The following PCDHA9 variants were observed in gnomAD, a reference collection of about 807,000 sequenced individuals.
The protein encoded by PCDHA9 is protocadherin alpha-9.
Under a neutral mutation model 62.0 loss-of-function variants are expected in PCDHA9, and 62 were observed. The ratio of observed to expected loss-of-function variants is 1.00; its 90% CI spans 0.81 to 1.23. PCDHA9 has a LOEUF of 1.23. Among genes scored for constraint, PCDHA9 ranks in the 50% most tolerant of loss-of-function variants. PCDHA9 has a pLI of 0.00. For synonymous variants in PCDHA9, 557 were observed against 567.6 expected (o/e 0.98, Z 0.27); for missense variants, 1,205 against 1,249.8 (o/e 0.96, Z 0.54).
chr5:140,928,790 G>GGGT, intron 1 of PCDHA9: 2 of 1,614,176 alleles, frequency 1.2e-6, no homozygotes, highest in Non-Finnish European at 1.7e-6. Context: ...GTTAAGCAGA[G>GGGT]GGTGGTGGTA....
chr5:140,871,179 G>C (rs374404426), intron 1 of PCDHA9: 44 of 1,613,428 alleles, frequency 2.7e-5, no homozygotes, highest in Non-Finnish European at 3.5e-5. Context: ...AGGCTGCGCT[G>C]GTGGATGTCA....
intron 1 of PCDHA9, chr5:140,858,116 G>T: frequency 1.3e-6 from 2 of 1,597,882 alleles, no homozygotes; most frequent in Non-Finnish European, 1.7e-6. Context: ...GCCCGAGGTG[G>T]CCCTGGTGGA....
At chr5:140,944,089 A>G (rs2093608705) in intron 1 of PCDHA9, among the ~76,000 whole-genome samples, 2 of 152,250 alleles carry the variant, frequency 1.3e-5, no homozygotes, top group Non-Finnish European at 1.5e-5. Context: ...AGGCCTGAGT[A>G]AGTTTATATC....
chr5:140,928,081 C>G lies in PCDHA9; in HGVS notation c.2395-50868C>G, dbSNP rs782268064. On this transcript the variant is annotated intron_variant, in intron 1 of 3. Coordinates refer to ENST00000532602, the MANE Select transcript of PCDHA9 (RefSeq NM_031857.2). ...GGCTTCCTTTGACAACTACTACAGC[C>G]TGCTGATTGATGGGCCCCTGGACCG... is the stretch of plus-strand genomic sequence containing the variant. 6.2e-6 allele frequency: 10 copies of G among 1,614,090 alleles called. 1 individual carries two copies. In the South Asian group the frequency reaches 6.6e-5, roughly 11 times the overall value.
chr5:140,960,482 G>GTGTA (rs1585840878), intron 1 of PCDHA9, among the ~76,000 whole-genome samples: 1 of 152,150 alleles, frequency 6.6e-6, no homozygotes, highest in Non-Finnish European at 1.5e-5. Context: ...TTACACAGAG[G>GTGTA]TGTAGGTTTG....
intron 1 of PCDHA9, among the ~76,000 whole-genome samples, chr5:140,893,662 A>C (rs1462433571): frequency 6.6e-6 from 1 of 152,204 alleles, no homozygotes; most frequent in Non-Finnish European, 1.5e-5. Flanking sequence ...GTTTTAAAAA[A>C]TTTCAGCACT....
At position 140,982,360 on chromosome 5, in the gene PCDHA9, A is replaced by G. The variant is rs1016027722; in HGVS notation, c.2454-115A>G. 59 of 1,527,040 alleles carry G rather than the reference A, an allele frequency of 3.9e-5. No individual in the cohort carries two copies. In the Admixed American group the frequency reaches 8.5e-4, roughly 22 times the overall value. 94.6% of individuals were successfully genotyped at this position (1,527,040 alleles called of 1,614,324 possible). ...TAATTGCTTCAGTTCAAGCATGAGC[A>G]GAATGTGTTAGCTGCAGCCCTGGCT... On this transcript the variant is annotated intron_variant, in intron 2 of 3. Coordinates refer to ENST00000532602, the MANE Select transcript of PCDHA9 (RefSeq NM_031857.2).
chr5:140,848,734 A>G lies in PCDHA9; in HGVS notation c.239A>G (p.Gln80Arg), dbSNP rs199690069. The G allele has an allele frequency of 6.3e-7, 1 of 1,592,886 alleles. No homozygotes were observed. Among genetic ancestry groups the G allele is most frequent in the Non-Finnish European group, 8.6e-7 (1 of 1,163,642 alleles). The stretch of plus-strand genomic sequence containing the variant: ...GGGGACCTTCTGGAGGTAAATCTGC[A>G]GAATGGCATTTTGTTTGTGAATTCT... ...GRGDLLEVNL[Q>R]NGILFVNSRI... The change falls in exon 1 of 4, where the codon CAG becomes CGG. Residue 80 changes from glutamine (Q) to arginine (R), a missense_variant. Gln to Arg is a conservative substitution (Grantham distance 43). This residue lies in a region of PCDHA9 where 208 missense variants were observed against 213.2 expected (regional missense o/e 0.98). Transcript: ENST00000532602.
At chr5:140,866,776 T>A (rs1554160548) in intron 1 of PCDHA9, 1 of 152,168 alleles carries the variant, frequency 6.6e-6, no homozygotes, top group African/African-American at 2.4e-5. Flanking sequence ...AGATTGTATG[T>A]CCTGACTGAT....
At chr5:140,872,606 AT>A (rs1302987061) in intron 1 of PCDHA9, among the ~76,000 whole-genome samples, 2 of 151,888 alleles carry the variant, frequency 1.3e-5, no homozygotes, top group African/African-American at 2.4e-5. Flanking sequence ...TGAAAAAATA[AT>A]TTTTTTTGCC....
At chr5:140,863,676 C>A (rs1403210762) in intron 1 of PCDHA9, 1 of 292,478 alleles carries the variant, frequency 3.4e-6, no homozygotes, top group Non-Finnish European at 6.7e-6. Context: ...TTTGCTTTTG[C>A]TTTTTCTTTT....
chr5:140,869,407 T>G, intron 1 of PCDHA9: 4 of 1,614,120 alleles, frequency 2.5e-6, no homozygotes, highest in African/African-American at 1.3e-5. Context: ...GAGCGCGGAG[T>G]GCAGCATCCA....
chr5:140,872,075 C>T (rs1452265862), intron 1 of PCDHA9, among the ~76,000 whole-genome samples: 1 of 152,234 alleles, frequency 6.6e-6, no homozygotes, highest in Non-Finnish European at 1.5e-5. Flanking sequence ...GCTGGGAATG[C>T]AGTGCCACTG....
At chr5:140,928,652 A>T in intron 1 of PCDHA9, 1 of 1,614,188 alleles carries the variant, frequency 6.2e-7, no homozygotes, top group Non-Finnish European at 8.5e-7. Context: ...GTAGCAGAGG[A>T]TGCTGACAGT....
At chr5:140,875,501 G>A (rs1457273881) in intron 1 of PCDHA9, 2 of 1,613,368 alleles carry the variant, frequency 1.2e-6, no homozygotes, top group Non-Finnish European at 1.7e-6. Context: ...AGAGGCCCGG[G>A]ATCCCAGCGT....
chr5:140,926,704 T>C (rs1481559865), intron 1 of PCDHA9: 7 of 842,670 alleles, frequency 8.3e-6, no homozygotes, highest in Non-Finnish European at 1.2e-5. Context: ...GGCTCCCAGC[T>C]GGCCAGCCCC....
At chr5:140,915,572 C>T (rs2077180575) in intron 1 of PCDHA9, among the ~76,000 whole-genome samples, 1 of 152,106 alleles carries the variant, frequency 6.6e-6, no homozygotes, top group Admixed American at 6.6e-5. Context: ...ATCTGGATTG[C>T]CAGGCAAAAG....
chr5:140,910,965 C>T (rs1554194514), intron 1 of PCDHA9, among the ~76,000 whole-genome samples: 1 of 152,098 alleles, frequency 6.6e-6, no homozygotes, highest in Non-Finnish European at 1.5e-5. Context: ...TAGCACACCT[C>T]CTCATGGGTT....
intron 1 of PCDHA9, among the ~76,000 whole-genome samples, chr5:140,894,634 T>C (rs1412183022): frequency 1.3e-5 from 2 of 151,970 alleles, no homozygotes; most frequent in Non-Finnish European, 2.9e-5. Flanking sequence ...TCCAATCATA[T>C]CATTACTGAG....
Sources: allele counts gnomAD v4.1 joint callset (sites outside exome capture counted in the v4.1 genomes callset), GRCh38; gene constraint gnomAD v4.1.1; regional missense constraint gnomAD v4.1.1; transcripts MANE v1.5; gene names NCBI Gene and HGNC (gene_info 2026-07-23, HGNC 2026-07-21).